OAF: variants seen among roughly 807,000 people sequenced by gnomAD.
OAF encodes the protein out at first homolog, also known as out at first protein homolog.
In OAF, 13 loss-of-function variants were observed where a neutral mutation model predicts 22.5. That is an observed-to-expected ratio of 0.58 (90% CI 0.38 to 0.92). The LOEUF (loss-of-function observed/expected upper bound fraction) is 0.92. Among genes scored for constraint, OAF ranks in the 40% least tolerant of loss-of-function variants. OAF has a pLI of 0.00. For missense variants in OAF, 347 were observed against 381.8 expected (o/e 0.91, Z 0.76); for synonymous variants, 175 against 170.5 (o/e 1.03, Z -0.21).
At chr11:120,225,086 C>T (rs1489268650) in intron 1 of OAF, among the ~76,000 whole-genome samples, 4 of 152,124 alleles carry the variant, frequency 2.6e-5, no homozygotes, top group East Asian at 3.9e-4. Context: ...TCCCTCAGGC[C>T]GGAAGGCTGC....
chr11:120,225,869 A>G, intron 2 of OAF, 74 bp downstream of exon 2: 1 of 1,404,666 alleles, frequency 7.1e-7, no homozygotes, highest in South Asian at 1.3e-5. Flanking sequence ...CATCCCGCAG[A>G]CCCGGCCCAG....
intron 3 of OAF, 47 bp from the exon 4 acceptor site, chr11:120,228,821 T>TGCCATA: frequency 1.9e-6 from 1 of 520,280 alleles, no homozygotes. Context: ...GGGAGCTCCT[T>TGCCATA]CCCTCCCTCC....
chr11:120,211,554 C>G, intron 1 of OAF, 44 bp downstream of exon 1: 1 of 1,329,004 alleles, frequency 7.5e-7, no homozygotes. Flanking sequence ...CAAGCCTGAG[C>G]CCCCCGGGAT....
chr11:120,227,620 C>T (rs117554512), intron 3 of OAF, among the ~76,000 whole-genome samples: 10,782 of 152,196 alleles, frequency 0.071, 474 homozygotes, highest in Admixed American at 0.14. Flanking sequence ...CTGCATGGTC[C>T]CTGCCTTCCT....
At position 120,225,970 on chromosome 11, in the gene OAF, C is replaced by T. The variant is rs146737864; in HGVS notation, c.366+175C>T. Among the ~76,000 whole-genome samples, 6 of 152,298 alleles carry T rather than the reference C, an allele frequency of 3.9e-5. No individual in the cohort carries two copies. In the East Asian group the frequency reaches 5.8e-4, roughly 15 times the overall value. On this transcript the variant is annotated intron_variant, in intron 2 of 3. Transcript: ENST00000328965. Reference sequence around the variant, plus strand: ...CCTCCCACCCAGCTCCTCATCTTCACGCTGTTCCTGGACCCACTGCCCTTG... The same window carrying T: ...CCTCCCACCCAGCTCCTCATCTTCATGCTGTTCCTGGACCCACTGCCCTTG...
intron 1 of OAF, among the ~76,000 whole-genome samples, chr11:120,213,496 T>C (rs981408779): frequency 1.3e-5 from 2 of 152,068 alleles, no homozygotes; most frequent in African/African-American, 4.8e-5. Flanking sequence ...AGGGAGGGAA[T>C]TGGGAGTGGA....
rs1938403505 is a variant in OAF, at chr11:120,229,171, C to G, written c.*29C>G. ...GGGAGCAACCTGGCGGGTGGCTGCT[C>G]TGGGCCCACTGCTCTTCACCAGCCA... On this transcript the variant is annotated 3_prime_UTR_variant, in exon 4 of 4. Coordinates refer to ENST00000328965, the MANE Select transcript of OAF (RefSeq NM_178507.4). 1 of 1,594,554 alleles carries G rather than the reference C, an allele frequency of 6.3e-7. No individual in the cohort carries two copies. Among genetic ancestry groups the G allele is most frequent in the African/African-American group, 1.3e-5 (1 of 74,758 alleles).
chr11:120,224,900 A>G (rs887357234), intron 1 of OAF, among the ~76,000 whole-genome samples: 1 of 152,196 alleles, frequency 6.6e-6, no homozygotes. Context: ...GCAGCCGGAT[A>G]GGGAAGGGGG....
intron 1 of OAF, among the ~76,000 whole-genome samples, chr11:120,223,125 A>G (rs575806667): frequency 2.6e-5 from 4 of 152,104 alleles, no homozygotes; most frequent in African/African-American, 9.6e-5. Context: ...TCCTAATCCC[A>G]CCTCTGCTGC....
intron 1 of OAF, among the ~76,000 whole-genome samples, chr11:120,219,023 C>T (rs963103143): frequency 6.0e-5 from 9 of 150,904 alleles, no homozygotes; most frequent in Non-Finnish European, 1.5e-5. Context: ...TGAGAAGTGG[C>T]ATCGGGAGGA....
chr11:120,219,696 G>C (rs898678107), intron 1 of OAF, among the ~76,000 whole-genome samples: 1 of 152,208 alleles, frequency 6.6e-6, no homozygotes, highest in Admixed American at 6.5e-5. Context: ...ACGGAGGGGA[G>C]CCAGGACAAG....
chr11:120,219,839 T>C (rs1446621198), intron 1 of OAF, among the ~76,000 whole-genome samples: 2 of 152,140 alleles, frequency 1.3e-5, no homozygotes, highest in African/African-American at 4.8e-5. Flanking sequence ...CTAAACCTTC[T>C]AGATGCCAAA....
Position 120,228,914 on chromosome 11 carries a change from G to A in OAF, c.594G>A (p.Gln198=), listed in dbSNP as rs772169443. 1.3e-6 allele frequency: 2 copies of A among 1,526,316 alleles called. No homozygotes were observed. Among genetic ancestry groups the A allele is most frequent in the South Asian group, 1.1e-5 (1 of 90,028 alleles). 94.5% of individuals were successfully genotyped at this position (1,526,316 alleles called of 1,614,324 possible). Reference sequence around the variant, plus strand: ...AGGCTCTGCCCAAGGCCTCAGAGCAGGCGGAGCTGCCTCGCTGCAGGCAGG... The same window carrying A: ...AGGCTCTGCCCAAGGCCTCAGAGCAAGCGGAGCTGCCTCGCTGCAGGCAGG... ...VFEALPKASE[Q]AELPRCRQVG... Residue 198 remains glutamine, a synonymous_variant, in exon 4 of 4, where the codon CAG becomes CAA. Transcript: ENST00000328965.
chr11:120,221,104 C>T (rs1292310619), intron 1 of OAF, among the ~76,000 whole-genome samples: 2 of 152,240 alleles, frequency 1.3e-5, no homozygotes, highest in African/African-American at 4.8e-5. Context: ...CGAGCACTCC[C>T]TCATCCACCC....
At chr11:120,222,416 C>T (rs1938290160) in intron 1 of OAF, among the ~76,000 whole-genome samples, 1 of 152,068 alleles carries the variant, frequency 6.6e-6, no homozygotes, top group Admixed American at 6.6e-5. Context: ...ATTAGCCGGG[C>T]ATGGTGGCAC....
chr11:120,228,478 T>C (rs950926663), intron 3 of OAF, among the ~76,000 whole-genome samples: 2 of 152,142 alleles, frequency 1.3e-5, no homozygotes, highest in African/African-American at 2.4e-5. Flanking sequence ...TTTTAAAGCA[T>C]TGGGTGGCAG....
chr11:120,229,290 A>C lies in OAF; in HGVS notation c.*148A>C. On this transcript the variant is annotated 3_prime_UTR_variant, in exon 4 of 4. Transcript: ENST00000328965. ...CTGGGCCCCTCTGGCCCCATCTCAC[A>C]TGACTGTGAAGGGGGTGTGGCATGG... 1.4e-6 allele frequency: 1 copy of C among 703,750 alleles called. No homozygotes were observed. The highest frequency in any genetic ancestry group is 1.8e-5 in the African/African-American group (1 of 55,622). The allele number at this position is 703,750 out of a possible 1,614,324, so 43.6% of individuals were successfully genotyped here. A position where few individuals can be genotyped will look rare whatever the true frequency, so the allele number is the denominator to read the frequency against.
chr11:120,212,616 T>A (rs1325501951), intron 1 of OAF, among the ~76,000 whole-genome samples: 2 of 151,378 alleles, frequency 1.3e-5, no homozygotes, highest in Non-Finnish European at 2.9e-5. Context: ...TGAAGCTGCC[T>A]GTCTTTCCTC....
rs1050151076 is a variant in OAF, at chr11:120,211,230, C to T, written c.-50C>T. 94 of 1,150,738 alleles carry T rather than the reference C, an allele frequency of 8.2e-5. No homozygotes were observed. Among genetic ancestry groups the T allele is most frequent in the East Asian group, 7.2e-4 (18 of 25,066 alleles). 71.3% of individuals were successfully genotyped at this position (1,150,738 alleles called of 1,614,324 possible). On this transcript the variant is annotated 5_prime_UTR_variant, in exon 1 of 4. Transcript: ENST00000328965. ...TGGGCGAAGTTTGCCTGCGCCTCTCCCCGCCCCCACGCGGCGCGCCGGGGC... is the reference window on the plus strand; with the variant it reads ...TGGGCGAAGTTTGCCTGCGCCTCTCTCCGCCCCCACGCGGCGCGCCGGGGC...
Sources: allele counts gnomAD v4.1 joint callset (sites outside exome capture counted in the v4.1 genomes callset), GRCh38; gene constraint gnomAD v4.1.1; transcripts MANE v1.5; gene names NCBI Gene and HGNC (gene_info 2026-07-23, HGNC 2026-07-21).